NDUFA8: variants seen among roughly 807,000 people sequenced by gnomAD.
NDUFA8 encodes NADH:ubiquinone oxidoreductase subunit A8, also known as NADH dehydrogenase [ubiquinone] 1 alpha subcomplex subunit 8.
In NDUFA8, 16 loss-of-function variants were observed where a neutral mutation model predicts 20.9. The ratio of observed to expected loss-of-function variants is 0.77; its 90% CI spans 0.52 to 1.16. NDUFA8 has a LOEUF of 1.16. Among genes scored for constraint, NDUFA8 ranks in the 50% most tolerant of loss-of-function variants. The probability of loss-of-function intolerance (pLI) is 0.00; values close to 1 mark genes in which losing one functional copy is unlikely to be tolerated. For synonymous variants in NDUFA8, 70 were observed against 76.1 expected (o/e 0.92, Z 0.41); for missense variants, 202 against 216.4 (o/e 0.93, Z 0.42).
chr9:122,152,268 G>A lies in NDUFA8; in HGVS notation c.192C>T (p.Asn64=), dbSNP rs558154882. The A allele has an allele frequency of 1.2e-6, 2 of 1,614,154 alleles. No individual in the cohort carries two copies. Among genetic ancestry groups the A allele is most frequent in the East Asian group, 4.5e-5 (2 of 44,880 alleles). ...RRCLEEGKLV[N]KCALDFFRQI... ...ACCTAAAGAAGTCCAAAGCACACTT[G>A]TTGACCAGTTTGCCTTCCTCTAAAC... The change falls in exon 2 of 4, where the codon AAC becomes AAT. Residue 64 remains asparagine (N), a synonymous_variant. Transcript: ENST00000373768.
the NDUFA8 span, among the ~76,000 whole-genome samples, chr9:122,134,452 A>G: frequency 1.3e-5 from 2 of 152,312 alleles, no homozygotes; most frequent in African/African-American, 4.8e-5. Context: ...ATCGTGAGAA[A>G]TATGTGGGCC....
chr9:122,156,287 T>C (rs1296772081), intron 1 of NDUFA8, among the ~76,000 whole-genome samples: 1 of 152,216 alleles, frequency 6.6e-6, no homozygotes, highest in Non-Finnish European at 1.5e-5. Context: ...GGCTACACAG[T>C]CTGCAGGTGT....
chr9:122,141,498 AC>A (rs770211578), downstream of NDUFA8, among the ~76,000 whole-genome samples: 106 of 152,344 alleles, frequency 7.0e-4, no homozygotes, highest in Middle Eastern at 3.4e-3. Context: ...CTTGGAGTAA[AC>A]CGAAGAGTCA....
chr9:122,144,793 G>A (rs1828877720), intron 3 of NDUFA8, among the ~76,000 whole-genome samples: 1 of 152,162 alleles, frequency 6.6e-6, no homozygotes, highest in Non-Finnish European at 1.5e-5. Flanking sequence ...AAGGAGGTAA[G>A]ACTTAGCTTA....
At chr9:122,157,923 G>A (rs1437816825) in intron 1 of NDUFA8, among the ~76,000 whole-genome samples, 2 of 152,308 alleles carry the variant, frequency 1.3e-5, no homozygotes, top group East Asian at 3.9e-4. Flanking sequence ...GGAGGCCGAG[G>A]CAGGCAGATT....
intron 2 of NDUFA8, among the ~76,000 whole-genome samples, chr9:122,151,635 T>A (rs1829000125): frequency 6.6e-6 from 1 of 152,240 alleles, no homozygotes; most frequent in Non-Finnish European, 1.5e-5. Context: ...GTGAAATTAT[T>A]TAAGCCCTTG....
chr9:122,147,734 C>T (rs967030896), intron 3 of NDUFA8, among the ~76,000 whole-genome samples: 1 of 147,428 alleles, frequency 6.8e-6, no homozygotes, highest in Non-Finnish European at 1.5e-5. Context: ...TCACACCATT[C>T]TCCTGCCTCA....
At chr9:122,146,022 G>C (rs1301447240) in intron 3 of NDUFA8, among the ~76,000 whole-genome samples, 1 of 152,076 alleles carries the variant, frequency 6.6e-6, no homozygotes, top group South Asian at 2.1e-4. Flanking sequence ...GGTGGCGGGT[G>C]CCTGTAATCC....
At position 122,152,356 on chromosome 9, in the gene NDUFA8, T is replaced by C. The variant is rs776160822; in HGVS notation, c.104A>G (p.Gln35Arg). Residue 35 changes from glutamine (Q) to arginine (R), a missense_variant, in exon 2 of 4, where the codon CAA becomes CGA. By Grantham distance (43) the Gln-to-Arg change is conservative. Transcript: ENST00000373768. The stretch of plus-strand genomic sequence containing the variant: ...AAACTCCTTGTTGGGCTTATCACAT[T>C]GAGCTCCATAGTGATGGGCCGCAGC... ...LKAAAHHYGA[Q>R]CDKPNKEFML... 3 of 1,614,028 alleles carry C rather than the reference T, an allele frequency of 1.9e-6. No individual in the cohort carries two copies. Among genetic ancestry groups the C allele is most frequent in the Non-Finnish European group, 2.5e-6 (3 of 1,180,044 alleles).
chr9:122,144,385 A>G lies in NDUFA8; in HGVS notation c.382-7T>C. On this transcript the variant is annotated splice_region_variant and splice_polypyrimidine_tract_variant and intron_variant, in intron 3 of 3. Transcript: ENST00000373768. ...CTGTTTTCACTTTGGTGACCTGGGA[A>G]GGGTGAAGAGGGCAAAAGCAAAGTT... is the stretch of plus-strand genomic sequence containing the variant. 6.2e-7 allele frequency: 1 copy of G among 1,614,020 alleles called. No individual in the cohort carries two copies. Among genetic ancestry groups the G allele is most frequent in the Non-Finnish European group, 8.5e-7 (1 of 1,179,890 alleles).
chr9:122,159,522 A>AGGGGGGCCCGGGTCCCAGGATCC lies in NDUFA8; in HGVS notation c.51+82_51+104dup, dbSNP rs1554800438. ...CTGTATATGCGTTGGAGGACTGGGG[A>AGGGGGGCCCGGGTCCCAGGATCC]GGGGGGCCCGGGTCCCAGGATCCGC... is the stretch of plus-strand genomic sequence containing the variant. On this transcript the variant is annotated intron_variant, in intron 1 of 3. Transcript: ENST00000373768. The AGGGGGGCCCGGGTCCCAGGATCC allele has an allele frequency of 8.5e-5, 119 of 1,393,960 alleles. No homozygotes were observed. In the African/African-American group the frequency reaches 1.5e-3, roughly 18 times the overall value. 86.3% of individuals were successfully genotyped at this position (1,393,960 alleles called of 1,614,324 possible).
intron 2 of NDUFA8, among the ~76,000 whole-genome samples, chr9:122,151,432 C>A (rs1231491742): frequency 6.6e-6 from 1 of 152,228 alleles, no homozygotes; most frequent in Non-Finnish European, 1.5e-5. Context: ...AGTCCAGGAG[C>A]TTCTGCTCAC....
intron 3 of NDUFA8, among the ~76,000 whole-genome samples, chr9:122,146,050 G>A (rs1359778719): frequency 6.6e-6 from 1 of 152,188 alleles, no homozygotes; most frequent in Admixed American, 6.5e-5. Context: ...TCAAGAGGCT[G>A]AGGCAGAATT....
In NDUFA8 at chr9:122,152,304, A is replaced by C. The variant is rs761624093; in HGVS notation, c.156T>G (p.Asp52Glu). 3 of 1,614,206 alleles carry C rather than the reference A, an allele frequency of 1.9e-6. No homozygotes were observed. Among genetic ancestry groups the C allele is most frequent in the East Asian group, 2.2e-5 (1 of 44,886 alleles). The change falls in exon 2 of 4, where the codon GAT becomes GAG. Residue 52 changes from aspartate (D) to glutamate (E), a missense_variant. Asp to Glu is a conservative substitution (Grantham distance 45). Coordinates refer to ENST00000373768, the MANE Select transcript of NDUFA8 (RefSeq NM_014222.3). ...EFMLCRWEEKDPRRCLEEGKL... is the reference protein window; with the variant it reads ...EFMLCRWEEKEPRRCLEEGKL... ...TGCCTTCCTCTAAACACCGCCTCGG[A>C]TCTTTCTCTTCCCAGCGGCAGAGCA...
chr9:122,137,544 T>A, the NDUFA8 span, among the ~76,000 whole-genome samples: 1 of 152,188 alleles, frequency 6.6e-6, no homozygotes, highest in Admixed American at 6.5e-5. Context: ...CCTAGCCACA[T>A]GATTTCTAAT....
intron 2 of NDUFA8, among the ~76,000 whole-genome samples, chr9:122,150,052 C>T (rs1828968853): frequency 6.6e-6 from 1 of 152,104 alleles, no homozygotes; most frequent in African/African-American, 2.4e-5. Context: ...AAAATATTTG[C>T]ACCTCCCAAA....
downstream of NDUFA8, among the ~76,000 whole-genome samples, chr9:122,142,890 C>T (rs1026492454): frequency 6.6e-6 from 1 of 152,098 alleles, no homozygotes; most frequent in Admixed American, 6.5e-5. Flanking sequence ...GCCACCAAAA[C>T]GTTAGTGGGT....
chr9:122,142,771 C>T (rs1008046235), downstream of NDUFA8, among the ~76,000 whole-genome samples: 12 of 152,106 alleles, frequency 7.9e-5, no homozygotes, highest in Admixed American at 6.5e-5. Flanking sequence ...GGCCCAGCTT[C>T]CTTTGCAGAA....
intron 1 of NDUFA8, among the ~76,000 whole-genome samples, chr9:122,154,562 G>T (rs985264181): frequency 3.3e-5 from 5 of 152,068 alleles, no homozygotes; most frequent in African/African-American, 4.8e-5. Context: ...CTGAACTCTT[G>T]TTAGTTCTGA....
Sources: allele counts gnomAD v4.1 joint callset (sites outside exome capture counted in the v4.1 genomes callset), GRCh38; gene constraint gnomAD v4.1.1; transcripts MANE v1.5; gene names NCBI Gene and HGNC (gene_info 2026-07-23, HGNC 2026-07-21).